The following DOP1B variants were observed in gnomAD, a reference collection of about 807,000 sequenced individuals.
DOP1B encodes the protein protein DOP1B.
In DOP1B, 174 loss-of-function variants were observed where a neutral mutation model predicts 233.5. The observed-to-expected ratio is 0.75, with a 90% CI of 0.66 to 0.85. DOP1B has a LOEUF of 0.85. Ranked by LOEUF, DOP1B falls within the 40% of genes least tolerant of loss-of-function variation. The probability of loss-of-function intolerance (pLI) is 0.00; values close to 1 mark genes in which losing one functional copy is unlikely to be tolerated. For missense variants in DOP1B, 2,652 were observed against 2,846.6 expected (o/e 0.93, Z 1.56); for synonymous variants, 1,190 against 1,185.6 (o/e 1.00, Z -0.08).
At chr21:36,198,106 C>A (rs1178469483) in intron 2 of DOP1B, among the ~76,000 whole-genome samples, 1 of 151,624 alleles carries the variant, frequency 6.6e-6, no homozygotes, top group African/African-American at 2.4e-5. Context: ...TTATGCAGAT[C>A]ATTCCCTGAT....
At chr21:36,277,480 A>G (rs950938873) in intron 28 of DOP1B, among the ~76,000 whole-genome samples, 6 of 151,570 alleles carry the variant, frequency 4.0e-5, no homozygotes, top group African/African-American at 1.5e-4. Context: ...ACGGGGTTTC[A>G]CTGTGTTGGC....
At position 36,200,409 on chromosome 21, in the gene DOP1B, C is replaced by T; in HGVS notation, c.399C>T (p.Phe133=). The stretch of plus-strand genomic sequence containing the variant: ...TGCTCACCCTGTACGAGAAGTACTT[C>T]CTCCCACTGCAGAAGCTGCTCCTGC... ...PVLLTLYEKY[F]LPLQKLLLPS... The change falls in exon 4 of 37, where the codon TTC becomes TTT. Residue 133 remains phenylalanine, a synonymous_variant. Transcript: ENST00000691173. 1 of 1,613,668 alleles carries T rather than the reference C, an allele frequency of 6.2e-7. No homozygotes were observed. Among genetic ancestry groups the T allele is most frequent in the Non-Finnish European group, 8.5e-7 (1 of 1,180,022 alleles).
chr21:36,213,730 G>A (rs967875905), intron 7 of DOP1B, among the ~76,000 whole-genome samples: 3 of 151,318 alleles, frequency 2.0e-5, no homozygotes, highest in Non-Finnish European at 4.4e-5. Flanking sequence ...AGTAGAGACG[G>A]GGTTTCATCA....
chr21:36,288,892 T>C, intron 34 of DOP1B, 81 bp downstream of exon 34: 1 of 1,435,556 alleles, frequency 7.0e-7, no homozygotes, highest in Admixed American at 2.0e-5. Context: ...AGTTGTCTAA[T>C]GTTAAATGCT....
At chr21:36,192,074 C>G (rs1203864882) in intron 2 of DOP1B, among the ~76,000 whole-genome samples, 1 of 151,344 alleles carries the variant, frequency 6.6e-6, no homozygotes, top group African/African-American at 2.4e-5. Flanking sequence ...AACTTTCATT[C>G]TTGGCTGGGC....
At chr21:36,250,854 T>C (rs1316706476) in intron 21 of DOP1B, among the ~76,000 whole-genome samples, 1 of 152,016 alleles carries the variant, frequency 6.6e-6, no homozygotes, top group East Asian at 1.9e-4. Context: ...GCAGCAAGGG[T>C]GATATTCATC....
In DOP1B at chr21:36,227,746, C is replaced by G. The variant is rs1474436562; in HGVS notation, c.1534C>G (p.Pro512Ala). The G allele has an allele frequency of 1.2e-6, 2 of 1,611,876 alleles. No homozygotes were observed. The highest frequency in any genetic ancestry group is 1.7e-5 in the Admixed American group (1 of 59,808). Reference protein sequence around the residue: ...LPQVLGCLVQPLAEDMEALSL... With the variant: ...LPQVLGCLVQALAEDMEALSL... ...TCAGGTGCTCGGCTGCCTGGTGCAG[C>G]CTCTTGCTGAGGACATGGAGGCCTT... Residue 512 changes from proline (P) to alanine (A), a missense_variant, in exon 13 of 37, where the codon CCT (proline) becomes GCT (alanine). Transcript: ENST00000691173.
intron 7 of DOP1B, among the ~76,000 whole-genome samples, chr21:36,212,456 C>G (rs142354777): frequency 5.9e-5 from 9 of 152,260 alleles, no homozygotes; most frequent in Non-Finnish European, 1.0e-4. Flanking sequence ...AGAAAACTTA[C>G]AAATATTGTG....
chr21:36,234,269 T>G (rs974054989), intron 15 of DOP1B, among the ~76,000 whole-genome samples: 2 of 152,136 alleles, frequency 1.3e-5, no homozygotes, highest in African/African-American at 4.8e-5. Flanking sequence ...CAGCAGTGAT[T>G]AAGCAAGTGT....
chr21:36,167,389 G>A (rs1056626584), intron 2 of DOP1B, among the ~76,000 whole-genome samples: 7 of 152,080 alleles, frequency 4.6e-5, no homozygotes, highest in African/African-American at 1.7e-4. Context: ...TGGCCAGGCT[G>A]GTCTCGAACT....
At chr21:36,266,409 C>T (rs1428852938) in intron 26 of DOP1B, among the ~76,000 whole-genome samples, 5 of 152,058 alleles carry the variant, frequency 3.3e-5, no homozygotes, top group African/African-American at 7.2e-5. Context: ...CTCGTGACCT[C>T]GTGATCCAGC....
At chr21:36,164,626 G>C (rs867702454) in intron 1 of DOP1B, 82 bp from the exon 2 acceptor site, 4 of 1,126,494 alleles carry the variant, frequency 3.6e-6, no homozygotes, top group Non-Finnish European at 4.8e-6. Flanking sequence ...TTGTGGACAC[G>C]TGTCTTCTGT....
chr21:36,253,682 A>T lies in DOP1B; in HGVS notation c.5122-90A>T. On this transcript the variant is annotated intron_variant, in intron 22 of 36. Transcript: ENST00000691173. ...TGAAAACAGATTGATTTCTCCAGGG[A>T]CGACTACTGTAGAATACAATAAGGA... 3 of 1,325,488 alleles carry T rather than the reference A, an allele frequency of 2.3e-6. No individual in the cohort carries two copies. In the South Asian group the frequency reaches 4.4e-5, roughly 19 times the overall value. 82.1% of individuals were successfully genotyped at this position (1,325,488 alleles called of 1,614,324 possible).
chr21:36,161,610 T>A (rs1009811918), intron 1 of DOP1B, among the ~76,000 whole-genome samples: 3 of 152,208 alleles, frequency 2.0e-5, no homozygotes, highest in African/African-American at 7.2e-5. Context: ...TACCTCAACC[T>A]CTGGAGTAGC....
chr21:36,271,246 G>GTCACCCAGGTTGGAGT (rs748655823), intron 27 of DOP1B, among the ~76,000 whole-genome samples: 2,576 of 125,228 alleles, frequency 0.021, 174 homozygotes, highest in African/African-American at 0.093. Context: ...GTCTCGCTCT[G>GTCACCCAGGTTGGAGT]TCACCCAGGT....
intron 4 of DOP1B, among the ~76,000 whole-genome samples, chr21:36,205,269 G>A (rs2066414568): frequency 6.6e-6 from 1 of 152,238 alleles, no homozygotes; most frequent in Non-Finnish European, 1.5e-5. Context: ...AGTGTCATTT[G>A]AAGGAGCTGC....
intron 1 of DOP1B, among the ~76,000 whole-genome samples, chr21:36,163,955 G>A (rs567543383): frequency 7.0e-4 from 106 of 152,294 alleles, no homozygotes; most frequent in Non-Finnish European, 5.0e-4. Flanking sequence ...AAGAAAGGAG[G>A]ACAAAAGGCT....
intron 1 of DOP1B, chr21:36,164,401 A>G: frequency 5.8e-6 from 1 of 172,394 alleles, no homozygotes; most frequent in Non-Finnish European, 1.2e-5. Context: ...TGGCAACAAC[A>G]TATAGTCTAG....
At chr21:36,290,797 C>CAA (rs138791873) in intron 35 of DOP1B, among the ~76,000 whole-genome samples, 1 of 129,904 alleles carries the variant, frequency 7.7e-6, no homozygotes, top group African/African-American at 2.9e-5. Flanking sequence ...GACTCCATCT[C>CAA]AAAAAAAAAA....
Sources: gnomAD v4.1 joint callset for allele counts (sites outside exome capture counted in the v4.1 genomes callset) on GRCh38, gnomAD v4.1.1 for gene constraint, MANE v1.5 for transcripts, NCBI Gene and HGNC (gene_info 2026-07-23, HGNC 2026-07-21) for gene names.